Variants in HCFC1 observed in about 807,000 individuals in gnomAD.
HCFC1 encodes the protein host cell factor C1, also known as host cell factor 1.
In HCFC1, 7 loss-of-function variants were observed where a neutral mutation model predicts 105.5. The observed-to-expected ratio is 0.07, with a 90% CI of 0.04 to 0.12. The LOEUF (loss-of-function observed/expected upper bound fraction) is 0.12. Among genes scored for constraint, HCFC1 ranks in the 10% least tolerant of loss-of-function variants. The probability of loss-of-function intolerance (pLI) is 1.00; values close to 1 mark genes in which losing one functional copy is unlikely to be tolerated. For missense variants in HCFC1, 1,065 were observed against 1,823.6 expected (o/e 0.58, Z 7.58); for synonymous variants, 918 against 828.1 (o/e 1.11, Z -1.86).
chrX:153,960,464 G>A lies in HCFC1; in HGVS notation c.905-50C>T, dbSNP rs2855578. ...TCAGCAAGGAGGATGGAGGAAACCCGCCACCCCTGGTTGCCCTTGGTTCTT... is the reference window on the plus strand; with the variant it reads ...TCAGCAAGGAGGATGGAGGAAACCCACCACCCCTGGTTGCCCTTGGTTCTT... On this transcript the variant is annotated intron_variant, in intron 6 of 25. Coordinates refer to ENST00000310441, the MANE Select transcript of HCFC1 (RefSeq NM_005334.3). 140 of 966,333 alleles carry A rather than the reference G, an allele frequency of 1.4e-4. No homozygotes were observed. The East Asian group carries it at 3.9e-3, about 27-fold the overall frequency. 79.6% of individuals were successfully genotyped at this position (966,333 alleles called of 1,213,427 possible). A position where few individuals can be genotyped will look rare whatever the true frequency, so the allele number is the denominator to read the frequency against.
chrX:153,952,191 A>G (rs1235047093), intron 19 of HCFC1, 33 bp from the exon 20 acceptor site: 3 of 1,084,611 alleles, frequency 2.8e-6, no homozygotes, highest in Non-Finnish European at 3.6e-6. Flanking sequence ...ACTACTTACT[A>G]GGAAGGCTGG....
chrX:153,962,815 G>A (rs139967353), intron 4 of HCFC1, among the ~76,000 whole-genome samples: 130 of 111,364 alleles, frequency 1.2e-3, no homozygotes, highest in Non-Finnish European at 1.8e-3. Flanking sequence ...CCTGGTGACC[G>A]GCCCAAGCAG....
chrX:153,971,313 C>T lies in HCFC1; in HGVS notation c.-473G>A. ...GCGGGTGGAAAGGAGCCACAAGCGCCGCGGTCGTCGCAGCCCCGCCGGCGC... is the reference window on the plus strand; with the variant it reads ...GCGGGTGGAAAGGAGCCACAAGCGCTGCGGTCGTCGCAGCCCCGCCGGCGC... On this transcript the variant is annotated 5_prime_UTR_variant, in exon 1 of 26. Transcript: ENST00000310441. The T allele has an allele frequency of 3.3e-6, 1 of 299,181 alleles. No individual in the cohort carries two copies. Among genetic ancestry groups the T allele is most frequent in the East Asian group, 4.7e-5 (1 of 21,076 alleles). 24.7% of individuals were successfully genotyped at this position (299,181 alleles called of 1,213,427 possible).
Position 153,971,485 on chromosome X carries a change from G to C in HCFC1, c.-645C>G. On this transcript the variant is annotated 5_prime_UTR_variant, in exon 1 of 26. Transcript: ENST00000310441. ...GCCGGTGGAACCAGCTCGAGCTCTC[G>C]AGGGCCGTTTGGGGGCTCGCGCCGT... 3.4e-6 allele frequency: 1 copy of C among 294,703 alleles called. No homozygotes were observed. Among genetic ancestry groups the C allele is most frequent in the Non-Finnish European group, 5.9e-6 (1 of 168,501 alleles). The allele number at this position is 294,703 out of a possible 1,213,427, so 24.3% of individuals were successfully genotyped here. A position where few individuals can be genotyped will look rare whatever the true frequency, so the allele number is the denominator to read the frequency against.
Position 153,959,506 on chromosome X carries a change from G to C in HCFC1, c.1445-15C>G. ...AGCAGGGACACCTGATGAGAGAAGG[G>C]GCCAGCCGTCAGCCATCACCTTCTG... is the stretch of plus-strand genomic sequence containing the variant. On this transcript the variant is annotated splice_polypyrimidine_tract_variant and intron_variant, in intron 8 of 25. Transcript: ENST00000310441. The C allele has an allele frequency of 5.0e-6, 6 of 1,209,932 alleles. No individual in the cohort carries two copies. The highest frequency in any genetic ancestry group is 6.7e-6 in the Non-Finnish European group (6 of 894,558).
chrX:153,952,221 G>A lies in HCFC1; in HGVS notation c.4943-63C>T. 7 of 1,081,022 alleles carry A rather than the reference G, an allele frequency of 6.5e-6. No individual in the cohort carries two copies. In the South Asian group the frequency reaches 1.7e-4, roughly 26 times the overall value. The allele number at this position is 1,081,022 out of a possible 1,213,427, so 89.1% of individuals were successfully genotyped here. ...GGCTGGCCAGAAGCGGGCAGCCCGG[G>A]CGGAGGCCCCCAAAGCCTGTCCTAG... On this transcript the variant is annotated intron_variant, in intron 19 of 25. Transcript: ENST00000310441.
intron 16 of HCFC1, 110 bp from the exon 17 acceptor site, chrX:153,955,652 A>T (rs2065367983): frequency 2.5e-6 from 2 of 804,280 alleles, no homozygotes; most frequent in Admixed American, 3.5e-5. Context: ...CCACTTCTCA[A>T]CGGCCCTGGC....
intron 12 of HCFC1, 79 bp downstream of exon 12, chrX:153,957,703 T>C (rs1158148097): frequency 1.3e-5 from 11 of 831,202 alleles, no homozygotes; most frequent in Non-Finnish European, 1.9e-5. Flanking sequence ...GGATCTTCCA[T>C]GGGCAGGGAC....
Position 153,951,968 on chromosome X carries a change from G to A in HCFC1, c.5133C>T (p.His1711=). The change falls in exon 20 of 26, where the codon CAC becomes CAT. Residue 1711 remains histidine (H), a synonymous_variant. Transcript: ENST00000310441. ...CAGGGGCCAGGGCCTCAGTGGGGAG[G>A]TGGTGATGCTGCTGCTGGGCCTGGG... is the stretch of plus-strand genomic sequence containing the variant. ...QEAQAQQQHH[H]LPTEALAPAD... 1 of 1,193,502 alleles carries A rather than the reference G, an allele frequency of 8.4e-7. No homozygotes were observed. Among genetic ancestry groups the A allele is most frequent in the South Asian group, 1.9e-5 (1 of 53,717 alleles).
chrX:153,970,898 T>G lies in HCFC1; in HGVS notation c.-58A>C. ...AACAAGCGGGAAGGGAGCCCCTCAA[T>G]TCCTTTCACACACCCCCTTTCGTCT... is the stretch of plus-strand genomic sequence containing the variant. On this transcript the variant is annotated 5_prime_UTR_variant, in exon 1 of 26. Coordinates refer to ENST00000310441, the MANE Select transcript of HCFC1 (RefSeq NM_005334.3). 1 of 976,520 alleles carries G rather than the reference T, an allele frequency of 1.0e-6. No individual in the cohort carries two copies. Among genetic ancestry groups the G allele is most frequent in the African/African-American group, 2.0e-5 (1 of 51,096 alleles). The allele number at this position is 976,520 out of a possible 1,213,427, so 80.5% of individuals were successfully genotyped here.
Position 153,948,119 on chromosome X carries a change from A to C in HCFC1, c.*1228T>G, listed in dbSNP as rs2065272801. 1 of 110,533 alleles carries C rather than the reference A, an allele frequency of 9.0e-6. No individual in the cohort carries two copies. The highest frequency in any genetic ancestry group is 1.9e-5 in the Non-Finnish European group (1 of 52,723). 9.1% of individuals were successfully genotyped at this position (110,533 alleles called of 1,213,427 possible). A position where few individuals can be genotyped will look rare whatever the true frequency, so the allele number is the denominator to read the frequency against. On this transcript the variant is annotated 3_prime_UTR_variant, in exon 26 of 26. Coordinates refer to ENST00000310441, the MANE Select transcript of HCFC1 (RefSeq NM_005334.3). Reference sequence around the variant, plus strand: ...CACCCTTTCCATGACGATTTGGGGGAGGTGGAGCAGTGGCTGCGGAAACCA... The same window carrying C: ...CACCCTTTCCATGACGATTTGGGGGCGGTGGAGCAGTGGCTGCGGAAACCA...
Position 153,949,115 on chromosome X carries a change from C to T in HCFC1, c.*232G>A, listed in dbSNP as rs937469261. On this transcript the variant is annotated 3_prime_UTR_variant, in exon 26 of 26. Coordinates refer to ENST00000310441, the MANE Select transcript of HCFC1 (RefSeq NM_005334.3). ...GCGGCAGCGGGGAGGAAAGGAAGCG[C>T]GCTCCTCTCTCTGCTTTCCCATCTG... The T allele has an allele frequency of 1.8e-5, 6 of 340,683 alleles. No homozygotes were observed. Among genetic ancestry groups the T allele is most frequent in the South Asian group, 6.4e-5 (1 of 15,671 alleles). The allele number at this position is 340,683 out of a possible 1,213,427, so 28.1% of individuals were successfully genotyped here. A position where few individuals can be genotyped will look rare whatever the true frequency, so the allele number is the denominator to read the frequency against.
intron 1 of HCFC1, among the ~76,000 whole-genome samples, chrX:153,966,707 G>A (rs1483557700): frequency 8.9e-6 from 1 of 112,578 alleles, no homozygotes; most frequent in African/African-American, 3.2e-5. Flanking sequence ...GCGTAAAACA[G>A]AGACAGAGAC....
At position 153,954,153 on chromosome X, in the gene HCFC1, C is replaced by T; in HGVS notation, c.4246G>A (p.Val1416Met). ...GTCTCACAGGGGGGGTTGGAGCACA[C>T]CCTCTGTGTTGGGAAAGGAGCCAGC... ...ALLAPFPTQR[V>M]CSNPPCETHE... The change falls in exon 17 of 26, where the codon GTG (valine) becomes ATG (methionine). Residue 1416 changes from valine to methionine, a missense_variant. Transcript: ENST00000310441. 8.3e-7 allele frequency: 1 copy of T among 1,208,013 alleles called. No homozygotes were observed. The highest frequency in any genetic ancestry group is 1.1e-6 in the Non-Finnish European group (1 of 894,251).
chrX:153,950,739 C>G (rs375884524), intron 23 of HCFC1, 74 bp downstream of exon 23: 931 of 1,050,029 alleles, frequency 8.9e-4, no homozygotes, highest in African/African-American at 2.6e-3. Flanking sequence ...CCTATGCCCC[C>G]CCCCGGCCAC....
At chrX:153,962,395 C>T in intron 4 of HCFC1, 89 bp from the exon 5 acceptor site, 2 of 644,902 alleles carry the variant, frequency 3.1e-6, no homozygotes, top group Non-Finnish European at 5.0e-6. Context: ...AAGGTAGGAT[C>T]TGTCTCAGTG....
Position 153,959,884 on chromosome X carries a change from T to C in HCFC1, c.1362A>G (p.Ala454=). Residue 454 remains alanine (A), a synonymous_variant, in exon 8 of 26, where the codon GCA becomes GCG. Coordinates refer to ENST00000310441, the MANE Select transcript of HCFC1 (RefSeq NM_005334.3). ...CCTGGATGGTGGTGGTGGTCGGGGG[T>C]GCGGGGGCAGCCTGGGGCAGGAGCG... ...GITLLPQAAP[A]PPTTTTIQVL... 8.3e-7 allele frequency: 1 copy of C among 1,197,971 alleles called. No individual in the cohort carries two copies. The highest frequency in any genetic ancestry group is 1.7e-5 in the African/African-American group (1 of 57,346).
intron 24 of HCFC1, 133 bp downstream of exon 24, chrX:153,950,110 G>T: frequency 2.9e-6 from 2 of 678,542 alleles, no homozygotes; most frequent in Non-Finnish European, 4.2e-6. Context: ...CCCCGTGGGG[G>T]GCTGTGTGCG....
At chrX:153,951,816 C>A in intron 20 of HCFC1, 25 bp downstream of exon 20, 1 of 1,178,987 alleles carries the variant, frequency 8.5e-7, no homozygotes, top group Non-Finnish European at 1.1e-6. Context: ...ACCACCCCAG[C>A]ACCAATTCGC....
Sources: gnomAD v4.1 joint callset for allele counts (sites outside exome capture counted in the v4.1 genomes callset) on GRCh38, gnomAD v4.1.1 for gene constraint, MANE v1.5 for transcripts, NCBI Gene and HGNC (gene_info 2026-07-23, HGNC 2026-07-21) for gene names.